The following JAK1 variants were observed in gnomAD, a reference collection of about 807,000 sequenced individuals.
JAK1 encodes the protein Janus kinase 1.
JAK1 carries 16 observed loss-of-function variants against 136.6 expected under a neutral mutation model. The ratio of observed to expected loss-of-function variants is 0.12; its 90% CI spans 0.08 to 0.18. The LOEUF is 0.18. JAK1 is among the 10% of genes least tolerant of loss of function. The pLI is 1.00. For synonymous variants in JAK1, 492 were observed against 519.5 expected, an observed-to-expected ratio of 0.95 and a Z score of 0.72; for missense variants, 859 against 1,450.1, an observed-to-expected ratio of 0.59 and a Z score of 6.62.
intron 2 of JAK1, among the ~76,000 whole-genome samples, chr1:65,021,089 C>T (rs1162923104): frequency 6.6e-6 from 1 of 152,092 alleles, no homozygotes; most frequent in East Asian, 1.9e-4. Flanking sequence ...GTTGGTGAAC[C>T]CAACCAGAAG....
chr1:65,042,634 C>A (rs542493), intron 2 of JAK1, among the ~76,000 whole-genome samples: 8,066 of 152,194 alleles, frequency 0.053, 483 homozygotes, highest in East Asian at 0.33. Flanking sequence ...TGATGCGGGT[C>A]CAGTAAGTAC....
chr1:64,850,991 C>T (rs1655554319), intron 11 of JAK1, 81 bp from the exon 12 acceptor site: 3 of 949,852 alleles, frequency 3.2e-6, no homozygotes, highest in Admixed American at 3.8e-5. Context: ...GAGCCGGGGC[C>T]GTGGGACCGG....
chr1:64,866,790 G>A (rs1203778614), intron 7 of JAK1, 76 bp downstream of exon 7: 1 of 1,054,740 alleles, frequency 9.5e-7, no homozygotes, highest in African/African-American at 1.6e-5. Flanking sequence ...GCAGACAGAT[G>A]ACTCCAGAAG....
chr1:64,855,436 C>T (rs1188966175), intron 11 of JAK1, 73 bp downstream of exon 11: 3 of 1,395,054 alleles, frequency 2.2e-6, no homozygotes, highest in South Asian at 1.3e-5. Context: ...AGTCAGTCAG[C>T]GTGTTTTGGT....
chr1:64,860,885 C>CT (rs1656277804), intron 8 of JAK1, among the ~76,000 whole-genome samples: 1 of 113,826 alleles, frequency 8.8e-6, no homozygotes, highest in Non-Finnish European at 1.9e-5. Context: ...GTGGGGGAGG[C>CT]TGTGGCAGGC....
At chr1:64,946,254 G>C (rs906096884) in intron 1 of JAK1, among the ~76,000 whole-genome samples, 1 of 152,182 alleles carries the variant, frequency 6.6e-6, no homozygotes, top group Non-Finnish European at 1.5e-5. Context: ...AAGAATACAG[G>C]AGAGAGGAAA....
At chr1:64,879,210 T>C in intron 3 of JAK1, 62 bp from the exon 4 acceptor site, 4 of 1,587,650 alleles carry the variant, frequency 2.5e-6, no homozygotes, top group Non-Finnish European at 3.5e-6. Flanking sequence ...CATCTGTTTC[T>C]AAACCCAATA....
At chr1:64,950,040 G>A (rs1481080754) in intron 1 of JAK1, among the ~76,000 whole-genome samples, 1 of 152,174 alleles carries the variant, frequency 6.6e-6, no homozygotes, top group African/African-American at 2.4e-5. Context: ...ACATAATACA[G>A]TACATATTTA....
rs189242480 is a variant in JAK1, at chr1:64,874,390, A to G, written c.330-867T>C. Among the ~76,000 whole-genome samples, 176 of 152,278 alleles carry G rather than the reference A, an allele frequency of 1.2e-3. 1 individual carries two copies. Among genetic ancestry groups the G allele is most frequent in the South Asian group, 2.3e-3 (11 of 4,814 alleles). ...AAATTTTTTTTTTTTAATTTCAGAA[A>G]AAGGTACATCATGAATACATAAGAT... On this transcript the variant is annotated intron_variant, in intron 4 of 24. Coordinates refer to ENST00000342505, the MANE Select transcript of JAK1 (RefSeq NM_002227.4).
chr1:65,032,620 T>C (rs570174525), intron 2 of JAK1, among the ~76,000 whole-genome samples: 15 of 152,352 alleles, frequency 9.8e-5, no homozygotes, highest in African/African-American at 3.1e-4. Flanking sequence ...GTTATAATCC[T>C]TCCATACGTG....
chr1:64,878,539 A>G (rs910317236), intron 4 of JAK1, among the ~76,000 whole-genome samples: 1 of 133,762 alleles, frequency 7.5e-6, no homozygotes, highest in African/African-American at 2.8e-5. Context: ...ATTTTATATC[A>G]TGACCTTTAT....
At chr1:64,841,749 T>C in intron 17 of JAK1, 148 bp from the exon 18 acceptor site, 1 of 779,048 alleles carries the variant, frequency 1.3e-6, no homozygotes, top group Non-Finnish European at 2.1e-6. Flanking sequence ...ACTGCTGCCT[T>C]ATTCTTGCAA....
chr1:64,892,832 T>C (rs187317266), intron 1 of JAK1, among the ~76,000 whole-genome samples: 1 of 152,296 alleles, frequency 6.6e-6, no homozygotes, highest in Non-Finnish European at 1.5e-5. Flanking sequence ...CCCCTTTCCA[T>C]TTACCACTCT....
chr1:65,014,289 T>C (rs551210930), intron 2 of JAK1, among the ~76,000 whole-genome samples: 5 of 150,900 alleles, frequency 3.3e-5, no homozygotes, highest in Admixed American at 2.6e-4. Context: ...ATTAATGAAA[T>C]TAATTCACAT....
chr1:64,985,020 C>G (rs1042241621), intron 2 of JAK1: 1 of 859,156 alleles, frequency 1.2e-6, no homozygotes, highest in African/African-American at 1.7e-5. Flanking sequence ...TATCCCATTA[C>G]ACTCATCCTT....
intron 2 of JAK1, among the ~76,000 whole-genome samples, chr1:65,002,111 C>A (rs1318554290): frequency 6.6e-6 from 1 of 152,064 alleles, no homozygotes; most frequent in Non-Finnish European, 1.5e-5. Context: ...TCAGAGTCTG[C>A]GGTATGCTGT....
chr1:64,974,891 G>GTTTGT (rs1365382927), intron 2 of JAK1, among the ~76,000 whole-genome samples: 1 of 151,770 alleles, frequency 6.6e-6, no homozygotes, highest in Non-Finnish European at 1.5e-5. Flanking sequence ...GTTTTTGTTT[G>GTTTGT]TTTGTTTTGT....
At chr1:64,888,195 T>G (rs183570722) in intron 1 of JAK1, among the ~76,000 whole-genome samples, 2 of 152,352 alleles carry the variant, frequency 1.3e-5, no homozygotes, top group East Asian at 3.9e-4. Context: ...TTGTTTTGTT[T>G]TGTTTGAGCC....
intron 4 of JAK1, among the ~76,000 whole-genome samples, chr1:64,877,826 G>C (rs1224036587): frequency 6.6e-6 from 1 of 152,200 alleles, no homozygotes; most frequent in African/African-American, 2.4e-5. Flanking sequence ...AAGATTACAT[G>C]TGGAAAAACA....
Sources: gnomAD v4.1 joint callset for allele counts (sites outside exome capture counted in the v4.1 genomes callset) on GRCh38, gnomAD v4.1.1 for gene constraint, MANE v1.5 for transcripts, NCBI Gene and HGNC (gene_info 2026-07-23, HGNC 2026-07-21) for gene names.